Variants in ARHGAP28 observed in about 807,000 individuals in gnomAD.
ARHGAP28 encodes the protein Rho GTPase activating protein 28, also known as rho GTPase-activating protein 28.
Under a neutral mutation model 90.7 loss-of-function variants are expected in ARHGAP28, and 56 were observed. The observed-to-expected ratio is 0.62, with a 90% CI of 0.50 to 0.77. The LOEUF (loss-of-function observed/expected upper bound fraction) is 0.77. Among genes scored for constraint, ARHGAP28 ranks in the 30% least tolerant of loss-of-function variants. The probability of loss-of-function intolerance (pLI) is 0.00; values close to 1 mark genes in which losing one functional copy is unlikely to be tolerated. For missense variants in ARHGAP28, 869 were observed against 900.9 expected (o/e 0.96, Z 0.45); for synonymous variants, 308 against 323.3 (o/e 0.95, Z 0.51).
chr18:6,800,553 TTTGC>T (rs1164101101), intron 1 of ARHGAP28, among the ~76,000 whole-genome samples: 4 of 152,194 alleles, frequency 2.6e-5, no homozygotes, highest in Non-Finnish European at 5.9e-5. Flanking sequence ...GTTCATGTCC[TTTGC>T]AGGGACATGG....
At chr18:6,874,639 A>G (rs1371779705) in intron 9 of ARHGAP28, 5 of 152,216 alleles carry the variant, frequency 3.3e-5, no homozygotes, top group African/African-American at 4.8e-5. Flanking sequence ...ATAATCATAC[A>G]TCACTTGTTT....
chr18:6,884,697 C>T (rs1273913206), intron 11 of ARHGAP28, among the ~76,000 whole-genome samples: 1 of 152,182 alleles, frequency 6.6e-6, no homozygotes, highest in Non-Finnish European at 1.5e-5. Context: ...TGTTACCCCA[C>T]ACACGCATGG....
At chr18:6,878,144 A>G (rs892728768) in intron 10 of ARHGAP28, among the ~76,000 whole-genome samples, 6 of 152,108 alleles carry the variant, frequency 3.9e-5, no homozygotes, top group African/African-American at 1.2e-4. Flanking sequence ...GCACATATAC[A>G]CCATGGAATA....
chr18:6,774,818 G>A lies in ARHGAP28; in HGVS notation c.122+44875G>A, dbSNP rs558902532. On this transcript the variant is annotated intron_variant, in intron 1 of 17. Transcript: ENST00000383472. ...TTGCCCTGGTCCTACACCTATGGTG[G>A]GGACCATAGGTGGGGAAGGAGTTCT... Among the ~76,000 whole-genome samples, 3 of 152,282 alleles carry A rather than the reference G, an allele frequency of 2.0e-5. 1 individual carries two copies. In the South Asian group the frequency reaches 6.2e-4, roughly 32 times the overall value.
At chr18:6,810,469 T>C (rs1035493356) in intron 1 of ARHGAP28, among the ~76,000 whole-genome samples, 1 of 151,968 alleles carries the variant, frequency 6.6e-6, no homozygotes, top group African/African-American at 2.4e-5. Flanking sequence ...CTTTTTTTTT[T>C]CCTTTTGTAG....
chr18:6,861,558 C>G (rs1354726513), intron 5 of ARHGAP28, among the ~76,000 whole-genome samples: 3 of 152,070 alleles, frequency 2.0e-5, no homozygotes, highest in Non-Finnish European at 4.4e-5. Flanking sequence ...GCTTTAACAC[C>G]CCCAGCATTT....
chr18:6,909,169 G>GGT, intron 17 of ARHGAP28, 145 bp downstream of exon 17: 1 of 568,464 alleles, frequency 1.8e-6, no homozygotes, highest in South Asian at 2.6e-5. Context: ...ATCTCATGTG[G>GGT]GAACAGTTGC....
chr18:6,870,336 T>A (rs2057073600), intron 6 of ARHGAP28, among the ~76,000 whole-genome samples: 1 of 152,152 alleles, frequency 6.6e-6, no homozygotes, highest in Admixed American at 6.5e-5. Flanking sequence ...GACATACAAA[T>A]CTAAAATTTT....
At chr18:6,817,433 C>G (rs1331467272) in intron 1 of ARHGAP28, among the ~76,000 whole-genome samples, 1 of 152,144 alleles carries the variant, frequency 6.6e-6, no homozygotes, top group African/African-American at 2.4e-5. Flanking sequence ...CTTGAATATT[C>G]CCCTTAGTGG....
At chr18:6,891,547 G>A (rs959353174) in intron 14 of ARHGAP28, among the ~76,000 whole-genome samples, 1 of 152,020 alleles carries the variant, frequency 6.6e-6, no homozygotes, top group Non-Finnish European at 1.5e-5. Context: ...GCCTCCCGAA[G>A]TGCTGAGATT....
At chr18:6,776,481 G>A (rs2056284661) in intron 1 of ARHGAP28, among the ~76,000 whole-genome samples, 1 of 152,220 alleles carries the variant, frequency 6.6e-6, no homozygotes, top group South Asian at 2.1e-4. Flanking sequence ...AAGTCTCCCT[G>A]AAGGTGCGGT....
At chr18:6,874,503 A>G (rs1353968258) in intron 9 of ARHGAP28, 1 of 152,230 alleles carries the variant, frequency 6.6e-6, no homozygotes, top group Non-Finnish European at 1.5e-5. Flanking sequence ...CATTTATTCA[A>G]CAGTGACATC....
intron 17 of ARHGAP28, among the ~76,000 whole-genome samples, chr18:6,910,961 C>G (rs1421811655): frequency 6.6e-6 from 1 of 152,010 alleles, no homozygotes; most frequent in East Asian, 2.0e-4. Context: ...TCTCCTGCCT[C>G]AGCCTCCGGA....
intron 1 of ARHGAP28, among the ~76,000 whole-genome samples, chr18:6,824,485 C>T (rs9960002): frequency 0.044 from 6,746 of 151,862 alleles, 152 homozygotes; most frequent in Non-Finnish European, 0.054. Flanking sequence ...TGCAGTGAGC[C>T]GAGATCGCGC....
intron 3 of ARHGAP28, among the ~76,000 whole-genome samples, chr18:6,840,513 G>A (rs1195823100): frequency 1.3e-5 from 2 of 152,174 alleles, no homozygotes; most frequent in Non-Finnish European, 2.9e-5. Flanking sequence ...ATAGTGCTCA[G>A]TTCCTCAAAA....
At chr18:6,780,973 T>G (rs558914920) in intron 1 of ARHGAP28, among the ~76,000 whole-genome samples, 1 of 152,244 alleles carries the variant, frequency 6.6e-6, no homozygotes, top group Non-Finnish European at 1.5e-5. Flanking sequence ...TCTTTATTTC[T>G]GGTAATAAAA....
At chr18:6,889,817 G>A in intron 12 of ARHGAP28, 71 bp from the exon 13 acceptor site, 3 of 1,391,202 alleles carry the variant, frequency 2.2e-6, no homozygotes, top group Non-Finnish European at 3.0e-6. Context: ...AATGGGAATA[G>A]AATGAATGAT....
intron 3 of ARHGAP28, among the ~76,000 whole-genome samples, chr18:6,850,318 G>A (rs2056899786): frequency 6.6e-6 from 1 of 152,068 alleles, no homozygotes; most frequent in Admixed American, 6.5e-5. Context: ...CATGATGTTG[G>A]TTTTCTCTTG....
intron 1 of ARHGAP28, among the ~76,000 whole-genome samples, chr18:6,753,230 A>G (rs1416391920): frequency 1.3e-5 from 2 of 152,196 alleles, no homozygotes; most frequent in South Asian, 2.1e-4. Context: ...ATGTCTGCTT[A>G]TTTTCAGGAC....
Sources: gnomAD v4.1 joint callset for allele counts (sites outside exome capture counted in the v4.1 genomes callset) on GRCh38, gnomAD v4.1.1 for gene constraint, MANE v1.5 for transcripts, NCBI Gene and HGNC (gene_info 2026-07-23, HGNC 2026-07-21) for gene names.